Variants in WFDC3 observed in about 807,000 individuals in gnomAD.
WFDC3 encodes WAP four-disulfide core domain protein 3.
WFDC3 carries 15 observed loss-of-function variants against 25.8 expected under a neutral mutation model. The ratio of observed to expected loss-of-function variants is 0.58; its 90% CI spans 0.39 to 0.89. The LOEUF is 0.89. Among genes scored for constraint, WFDC3 ranks in the 40% least tolerant of loss-of-function variants. The probability of loss-of-function intolerance (pLI) is 0.00; values close to 1 mark genes in which losing one functional copy is unlikely to be tolerated. For missense variants in WFDC3, 264 were observed against 289.8 expected, an observed-to-expected ratio of 0.91 and a Z score of 0.65; for synonymous variants, 103 against 107.1, an observed-to-expected ratio of 0.96 and a Z score of 0.24.
At chr20:45,781,331 C>T (rs911616478) in intron 4 of WFDC3, among the ~76,000 whole-genome samples, 1 of 152,164 alleles carries the variant, frequency 6.6e-6, no homozygotes, top group Admixed American at 6.5e-5. Context: ...CCAAGAAGCA[C>T]TGGGACTCAC....
At chr20:45,787,708 G>GTT in intron 4 of WFDC3, 128 bp downstream of exon 4, 1 of 1,185,220 alleles carries the variant, frequency 8.4e-7, no homozygotes, top group Non-Finnish European at 1.1e-6. Context: ...TGCACCCTTT[G>GTT]TATATCTTTT....
At chr20:45,777,676 G>A (rs1443998392) in intron 4 of WFDC3, among the ~76,000 whole-genome samples, 1 of 152,016 alleles carries the variant, frequency 6.6e-6, no homozygotes, top group East Asian at 1.9e-4. Context: ...AAGCCACCAG[G>A]CCTGGGTAAT....
intron 5 of WFDC3, among the ~76,000 whole-genome samples, chr20:45,776,613 G>GA (rs1286917625): frequency 8.2e-5 from 4 of 48,666 alleles, no homozygotes; most frequent in African/African-American, 8.7e-5. Context: ...AAAAAAAAAA[G>GA]AAAAAAAAGA....
At chr20:45,791,810 A>G (rs1981008880) in intron 1 of WFDC3, 22 bp downstream of exon 1, 2 of 393,844 alleles carry the variant, frequency 5.1e-6, no homozygotes, top group African/African-American at 4.1e-5. Context: ...CCCGAGAGGA[A>G]GCCCCAACGA....
intron 4 of WFDC3, among the ~76,000 whole-genome samples, chr20:45,785,287 T>A (rs555577294): frequency 6.6e-6 from 1 of 151,852 alleles, no homozygotes; most frequent in East Asian, 1.9e-4. Context: ...CTGACCAACA[T>A]GGCAAAACCC....
At position 45,775,424 on chromosome 20, in the gene WFDC3, G is replaced by A. The variant is rs956605963; in HGVS notation, c.672C>T (p.Ser224=). The change falls in exon 6 of 7, where the codon TCC becomes TCT. Residue 224 remains serine (S), a synonymous_variant. Coordinates refer to ENST00000243938, the MANE Select transcript of WFDC3 (RefSeq NM_080614.2). Reference sequence around the variant, plus strand: ...ACAATGGACTGTACTCACCTAATTCGGAATCAGACCTCACAGTCCAGTTGG... The same window carrying A: ...ACAATGGACTGTACTCACCTAATTCAGAATCAGACCTCACAGTCCAGTTGG... ...MNPNWTVRSD[S]ELEIPVP 3.1e-6 allele frequency: 5 copies of A among 1,613,916 alleles called. No homozygotes were observed. Among genetic ancestry groups the A allele is most frequent in the East Asian group, 4.5e-5 (2 of 44,884 alleles).
intron 3 of WFDC3, chr20:45,788,497 T>G (rs928735793): frequency 6.2e-6 from 1 of 161,020 alleles, no homozygotes; most frequent in African/African-American, 2.4e-5. Context: ...GTTTACCTTG[T>G]GCCATGAACA....
intron 2 of WFDC3, among the ~76,000 whole-genome samples, chr20:45,789,545 C>T (rs1363585842): frequency 6.6e-6 from 1 of 151,794 alleles, no homozygotes; most frequent in East Asian, 1.9e-4. Flanking sequence ...TTCCCCTCCT[C>T]ATACACAAAT....
rs141623063 is a variant in WFDC3 at position 45,775,342 on chromosome 20, C to G, written c.679+75G>C. 2,237 of 1,547,992 alleles carry G rather than the reference C, an allele frequency of 1.4e-3. 28 individuals are homozygous for G. The African/African-American group carries it at 0.028, about 19-fold the overall frequency. On this transcript the variant is annotated intron_variant, in intron 6 of 6. Coordinates refer to ENST00000243938, the MANE Select transcript of WFDC3 (RefSeq NM_080614.2). ...GACTTTTCCTGACCTTCTGAAGTCC[C>G]CTTCCCAGCACCTAAGCCAGTGCTT... is the stretch of plus-strand genomic sequence containing the variant.
At chr20:45,778,312 A>G (rs1381117345) in intron 4 of WFDC3, among the ~76,000 whole-genome samples, 2 of 152,202 alleles carry the variant, frequency 1.3e-5, no homozygotes, top group Admixed American at 6.5e-5. Context: ...CCACAGCTAC[A>G]TCATGTGGGT....
chr20:45,787,768 A>G (rs895714066), intron 4 of WFDC3, 68 bp downstream of exon 4: 1 of 1,515,060 alleles, frequency 6.6e-7, no homozygotes, highest in Admixed American at 2.2e-5. Context: ...ACAAGCTGAT[A>G]TGTGCATATT....
chr20:45,786,325 T>A (rs1387201792), intron 4 of WFDC3, among the ~76,000 whole-genome samples: 1 of 151,958 alleles, frequency 6.6e-6, no homozygotes, highest in African/African-American at 2.4e-5. Flanking sequence ...AGAAGGTAGG[T>A]GGAGGTTGTA....
chr20:45,785,746 A>G (rs958699040), intron 4 of WFDC3, among the ~76,000 whole-genome samples: 1 of 152,152 alleles, frequency 6.6e-6, no homozygotes, highest in Non-Finnish European at 1.5e-5. Flanking sequence ...TCAATTTCTA[A>G]TATGTTTTAG....
chr20:45,776,310 G>GTGTGTGTA (rs1482278783), intron 5 of WFDC3, among the ~76,000 whole-genome samples: 3 of 145,500 alleles, frequency 2.1e-5, no homozygotes, highest in African/African-American at 5.2e-5. Flanking sequence ...GTGTGTGTGT[G>GTGTGTGTA]TGTGTGTGTG....
chr20:45,787,282 CTTTTTTTT>C (rs1158318114), intron 4 of WFDC3, among the ~76,000 whole-genome samples: 60 of 73,668 alleles, frequency 8.1e-4, no homozygotes, highest in Non-Finnish European at 1.2e-3. Flanking sequence ...TTTCTTTTTT[CTTTTTTTT>C]TTTTTTTTTT....
Position 45,777,146 on chromosome 20 carries a change from G to C in WFDC3, c.422C>G (p.Ala141Gly). 4.3e-6 allele frequency: 7 copies of C among 1,609,526 alleles called. No homozygotes were observed. Among genetic ancestry groups the C allele is most frequent in the Non-Finnish European group, 5.1e-6 (6 of 1,178,070 alleles). The change falls in exon 5 of 7, where the codon GCA becomes GGA. Residue 141 changes from alanine (A) to glycine (G), a missense_variant. Ala to Gly is a moderately conservative substitution (Grantham distance 60). Transcript: ENST00000243938. ...LPCEELCDGD[A>G]SCPQGHKCCS... ...GCATTTATGCCCCTGGGGACAGGAT[G>C]CATCCCCATCACACAGCTCCTCACA...
rs376220123 is a variant in WFDC3 at position 45,775,594 on chromosome 20, C to T, written c.502G>A (p.Gly168Ser). ...CLGDIEGGRG[G>S]DCPKVLVGLC... Reference sequence around the variant, plus strand: ...CCCACCAGAACTTTTGGACAATCACCGCCCCGCCCTGTGGGAACAACAGGC... The same window carrying T: ...CCCACCAGAACTTTTGGACAATCACTGCCCCGCCCTGTGGGAACAACAGGC... Residue 168 changes from glycine (G) to serine (S), a missense_variant, in exon 6 of 7, where the codon GGT (glycine) becomes AGT (serine). Coordinates refer to ENST00000243938, the MANE Select transcript of WFDC3 (RefSeq NM_080614.2). 25 of 1,614,118 alleles carry T rather than the reference C, an allele frequency of 1.5e-5. No individual in the cohort carries two copies. Among genetic ancestry groups the T allele is most frequent in the East Asian group, 4.5e-5 (2 of 44,876 alleles).
At chr20:45,791,666 CCCCAACCCCA>C in intron 1 of WFDC3, among the ~76,000 whole-genome samples, 156 bp downstream of exon 1, 1 of 152,306 alleles carries the variant, frequency 6.6e-6, no homozygotes, top group South Asian at 2.1e-4. Context: ...TCCCTCTGCT[CCCCAACCCCA>C]GCCTACAGAA....
intron 4 of WFDC3, among the ~76,000 whole-genome samples, chr20:45,786,045 C>A (rs1207327277): frequency 6.6e-6 from 1 of 152,194 alleles, no homozygotes; most frequent in African/African-American, 2.4e-5. Context: ...AACTTCAAAT[C>A]GCTCTCCAGG....
Sources: allele counts gnomAD v4.1 joint callset (sites outside exome capture counted in the v4.1 genomes callset), GRCh38; gene constraint gnomAD v4.1.1; transcripts MANE v1.5; gene names NCBI Gene and HGNC (gene_info 2026-07-23, HGNC 2026-07-21).